DYNLT2B: variants seen among roughly 807,000 people sequenced by gnomAD.
DYNLT2B encodes dynein light chain Tctex-type protein 2B.
Under a neutral mutation model 19.5 loss-of-function variants are expected in DYNLT2B, and 14 were observed. That is an observed-to-expected ratio of 0.72 (90% CI 0.47 to 1.12). The LOEUF (loss-of-function observed/expected upper bound fraction) is 1.12. DYNLT2B is among the 50% of genes most tolerant of loss of function. The pLI is 0.00. For synonymous variants in DYNLT2B, 70 were observed against 59.7 expected, an observed-to-expected ratio of 1.17 and a Z score of -0.79; for missense variants, 133 against 174.7, an observed-to-expected ratio of 0.76 and a Z score of 1.35.
At chr3:196,314,641 C>G (rs1163227328) in intron 2 of DYNLT2B, among the ~76,000 whole-genome samples, 1 of 151,370 alleles carries the variant, frequency 6.6e-6, no homozygotes, top group African/African-American at 2.4e-5. Context: ...GGCAAGACAC[C>G]ATCTCTACAG....
In DYNLT2B at chr3:196,318,024, C is replaced by G; in HGVS notation, c.113+16G>C. 1.4e-6 allele frequency: 2 copies of G among 1,477,956 alleles called. No individual in the cohort carries two copies. The highest frequency in any genetic ancestry group is 9.0e-7 in the Non-Finnish European group (1 of 1,107,872). 91.6% of individuals were successfully genotyped at this position (1,477,956 alleles called of 1,614,324 possible). A position where few individuals can be genotyped will look rare whatever the true frequency, so the allele number is the denominator to read the frequency against. On this transcript the variant is annotated intron_variant, in intron 1 of 4. Coordinates refer to ENST00000325318, the MANE Select transcript of DYNLT2B (RefSeq NM_152773.5). ...CGCGCTCGAGGTCGCCCCGCCACAGCCCGTCCTCTACCCGCCTCTGCTGGA... is the reference window on the plus strand; with the variant it reads ...CGCGCTCGAGGTCGCCCCGCCACAGGCCGTCCTCTACCCGCCTCTGCTGGA...
rs1041796185 is a variant in DYNLT2B at position 196,291,500 on chromosome 3, A to G, written c.382-126T>C. 11 of 911,370 alleles carry G rather than the reference A, an allele frequency of 1.2e-5. No individual in the cohort carries two copies. The Admixed American group carries it at 2.8e-4, about 23-fold the overall frequency. The allele number at this position is 911,370 out of a possible 1,614,324, so 56.5% of individuals were successfully genotyped here. On this transcript the variant is annotated intron_variant, in intron 4 of 4. Transcript: ENST00000325318. ...TCCAATTTTTTTTTTCTTTTTTGAGACAGGGTGTCACTCTATCACCCAGGC... is the reference window on the plus strand; with the variant it reads ...TCCAATTTTTTTTTTCTTTTTTGAGGCAGGGTGTCACTCTATCACCCAGGC...
At chr3:196,294,948 G>A (rs979847619) in intron 4 of DYNLT2B, among the ~76,000 whole-genome samples, 9 of 151,814 alleles carry the variant, frequency 5.9e-5, no homozygotes, top group African/African-American at 1.9e-4. Flanking sequence ...CACAATGTTG[G>A]CCAGGCTGCT....
intron 3 of DYNLT2B, among the ~76,000 whole-genome samples, chr3:196,296,649 G>T (rs1577386398): frequency 6.6e-6 from 1 of 152,156 alleles, no homozygotes; most frequent in Non-Finnish European, 1.5e-5. Flanking sequence ...AATAGGACTG[G>T]ATTGGTAAAT....
intron 4 of DYNLT2B, among the ~76,000 whole-genome samples, chr3:196,295,522 T>C (rs1163411022): frequency 6.6e-6 from 1 of 152,060 alleles, no homozygotes; most frequent in Non-Finnish European, 1.5e-5. Context: ...GGCTTTAAGA[T>C]AAAGTAATAA....
intron 3 of DYNLT2B, among the ~76,000 whole-genome samples, chr3:196,298,904 ATTTT>A (rs1361403087): frequency 6.6e-6 from 1 of 151,758 alleles, no homozygotes; most frequent in African/African-American, 2.4e-5. Context: ...ACTTTTTAAA[ATTTT>A]TTTATTTATT....
chr3:196,311,559 T>C (rs532792393), intron 2 of DYNLT2B, among the ~76,000 whole-genome samples: 3 of 152,218 alleles, frequency 2.0e-5, no homozygotes, highest in Admixed American at 1.3e-4. Context: ...ATTTCCTTTA[T>C]ATGGAAAGAA....
chr3:196,310,731 TTTG>T (rs1261228837), intron 2 of DYNLT2B, among the ~76,000 whole-genome samples: 2 of 149,058 alleles, frequency 1.3e-5, no homozygotes, highest in Admixed American at 1.3e-4. Flanking sequence ...CCTGGCCTGT[TTTG>T]TTTTGTTTTT....
chr3:196,306,356 A>G (rs1577390708), intron 3 of DYNLT2B, among the ~76,000 whole-genome samples: 1 of 151,284 alleles, frequency 6.6e-6, no homozygotes, highest in East Asian at 2.0e-4. Context: ...TGAGCCCAGG[A>G]GGCCAAGGCT....
Position 196,316,088 on chromosome 3 carries a change from C to G in DYNLT2B, c.247+10G>C, listed in dbSNP as rs1384679184. 4.3e-6 allele frequency: 7 copies of G among 1,611,946 alleles called. No homozygotes were observed. The highest frequency in any genetic ancestry group is 5.9e-6 in the Non-Finnish European group (7 of 1,178,800). ...GAGAATGAGTCATTTCCAGTTATCA[C>G]CATGATTACCTTTTAATTTATCTTT... On this transcript the variant is annotated intron_variant, in intron 2 of 4. Coordinates refer to ENST00000325318, the MANE Select transcript of DYNLT2B (RefSeq NM_152773.5).
chr3:196,317,290 T>C lies in DYNLT2B; in HGVS notation c.113+750A>G, dbSNP rs1438105013. Among the ~76,000 whole-genome samples, 17 of 107,736 alleles carry C rather than the reference T, an allele frequency of 1.6e-4. 4 individuals carry two copies. The East Asian group carries it at 6.3e-3, about 40-fold the overall frequency. The allele number at this position is 107,736 out of a possible 152,430, so 70.7% of individuals were successfully genotyped here. On this transcript the variant is annotated intron_variant, in intron 1 of 4. Coordinates refer to ENST00000325318, the MANE Select transcript of DYNLT2B (RefSeq NM_152773.5). Reference sequence around the variant, plus strand: ...TCAGTGTGTGTGTGTGTTGTGTGTGTGTGTGTGTGTAAAGTTAGTGATCTT... The same window carrying C: ...TCAGTGTGTGTGTGTGTTGTGTGTGCGTGTGTGTGTAAAGTTAGTGATCTT...
chr3:196,311,400 CAAAA>C (rs530921121), intron 2 of DYNLT2B, among the ~76,000 whole-genome samples: 2 of 102,414 alleles, frequency 2.0e-5, no homozygotes, highest in African/African-American at 3.9e-5. Context: ...GACCCTGTCT[CAAAA>C]AAAAAAAAAG....
At chr3:196,316,985 C>T (rs1726835706) in intron 1 of DYNLT2B, among the ~76,000 whole-genome samples, 1 of 131,030 alleles carries the variant, frequency 7.6e-6, no homozygotes, top group Non-Finnish European at 1.6e-5. Flanking sequence ...TAGCTGAGTA[C>T]CCTCTGCTCT....
intron 3 of DYNLT2B, chr3:196,297,997 C>CTA (rs1418355072): frequency 6.2e-6 from 1 of 161,188 alleles, no homozygotes; most frequent in Non-Finnish European, 1.4e-5. Flanking sequence ...TTTCAGCTTG[C>CTA]TATAGTAAGA....
intron 2 of DYNLT2B, among the ~76,000 whole-genome samples, chr3:196,312,999 G>A (rs1320014000): frequency 3.3e-5 from 5 of 151,956 alleles, no homozygotes; most frequent in African/African-American, 7.2e-5. Context: ...CCTGGGTGAC[G>A]AAGACCCTGT....
chr3:196,318,185 A>T lies in DYNLT2B; in HGVS notation c.-33T>A, dbSNP rs182319594. On this transcript the variant is annotated 5_prime_UTR_variant, in exon 1 of 5. Transcript: ENST00000325318. ...CTTCTCGGTCCGGGCGTAGCTCGCGATGAAGGCCTAGCGGGTTGCGGTCGC... is the reference window on the plus strand; with the variant it reads ...CTTCTCGGTCCGGGCGTAGCTCGCGTTGAAGGCCTAGCGGGTTGCGGTCGC... 37 of 1,338,034 alleles carry T rather than the reference A, an allele frequency of 2.8e-5. No homozygotes were observed. The Admixed American group carries it at 4.2e-4, about 15-fold the overall frequency. 82.9% of individuals were successfully genotyped at this position (1,338,034 alleles called of 1,614,324 possible).
intron 4 of DYNLT2B, among the ~76,000 whole-genome samples, chr3:196,293,694 G>GA (rs1487213029): frequency 6.9e-6 from 1 of 145,254 alleles, no homozygotes; most frequent in Non-Finnish European, 1.5e-5. Context: ...CTCCAGGCTG[G>GA]AGTACAGTGG....
intron 3 of DYNLT2B, among the ~76,000 whole-genome samples, chr3:196,304,968 A>C (rs1169849112): frequency 6.6e-6 from 1 of 152,110 alleles, no homozygotes; most frequent in East Asian, 1.9e-4. Flanking sequence ...TGCAGTCTCA[A>C]CCTTCCTGGG....
chr3:196,310,854 G>T (rs1726620831), intron 2 of DYNLT2B, among the ~76,000 whole-genome samples: 1 of 152,012 alleles, frequency 6.6e-6, no homozygotes, highest in Admixed American at 6.6e-5. Context: ...TCCTGCCTCA[G>T]CCTCCCAAGT....
Sources: allele counts gnomAD v4.1 joint callset (sites outside exome capture counted in the v4.1 genomes callset), GRCh38; gene constraint gnomAD v4.1.1; transcripts MANE v1.5; gene names NCBI Gene and HGNC (gene_info 2026-07-23, HGNC 2026-07-21).